Variants in SHLD1 observed in about 807,000 individuals in gnomAD.
SHLD1 encodes the protein RINN1-REV7-interacting novel NHEJ regulator 3.
In SHLD1, 3 loss-of-function variants were observed where a neutral mutation model predicts 5.5. That is an observed-to-expected ratio of 0.54 (90% CI 0.25 to 1.40). The LOEUF is 1.40. Ranked by LOEUF, SHLD1 falls within the 40% of genes most tolerant of loss-of-function variation. SHLD1 has a pLI of 0.15. For synonymous variants in SHLD1, 92 were observed against 94.3 expected, an observed-to-expected ratio of 0.98 and a Z score of 0.14; for missense variants, 210 against 244.4, an observed-to-expected ratio of 0.86 and a Z score of 0.94.
intron 2 of SHLD1, chr20:5,773,244 G>C: frequency 1.4e-6 from 1 of 697,080 alleles, no homozygotes; most frequent in South Asian, 1.6e-5. Context: ...ACAAGGAGCT[G>C]TTTCCTGGAT....
intron 2 of SHLD1, among the ~76,000 whole-genome samples, chr20:5,824,158 C>T (rs1299399196): frequency 6.6e-6 from 1 of 152,224 alleles, no homozygotes; most frequent in Non-Finnish European, 1.5e-5. Flanking sequence ...CCCAGCCGCA[C>T]TGGCCTTCTT....
At chr20:5,862,959 T>C in intron 2 of SHLD1, 65 bp from the exon 3 acceptor site, 2 of 1,396,242 alleles carry the variant, frequency 1.4e-6, no homozygotes, top group Non-Finnish European at 9.8e-7. Context: ...CATCATCTGC[T>C]CTTGGCTTGC....
chr20:5,750,356 C>T (rs1039704813), upstream of SHLD1: 4 of 152,008 alleles, frequency 2.6e-5, no homozygotes, highest in African/African-American at 4.8e-5. Flanking sequence ...TGACTTCCTT[C>T]GAACCTCACA....
At chr20:5,859,879 G>A (rs1302073896) in intron 2 of SHLD1, among the ~76,000 whole-genome samples, 1 of 152,090 alleles carries the variant, frequency 6.6e-6, no homozygotes, top group Non-Finnish European at 1.5e-5. Context: ...CCTCTTTTGT[G>A]GACACTGGAT....
intron 2 of SHLD1, among the ~76,000 whole-genome samples, chr20:5,854,025 G>A (rs2088048617): frequency 6.9e-6 from 1 of 144,224 alleles, no homozygotes; most frequent in Non-Finnish European, 1.5e-5. Flanking sequence ...TTTTTTTTTA[G>A]ACAGAGTTTT....
intron 1 of SHLD1, among the ~76,000 whole-genome samples, chr20:5,755,802 G>T (rs117885264): frequency 6.6e-6 from 1 of 152,026 alleles, no homozygotes; most frequent in African/African-American, 2.4e-5. Context: ...CAAGTGATCC[G>T]CCCACCTCGG....
At chr20:5,814,107 C>A (rs2087496924) in intron 2 of SHLD1, among the ~76,000 whole-genome samples, 1 of 151,906 alleles carries the variant, frequency 6.6e-6, no homozygotes, top group East Asian at 1.9e-4. Flanking sequence ...CGTGTGCCAC[C>A]ATGCCCGGCT....
intron 1 of SHLD1, among the ~76,000 whole-genome samples, chr20:5,755,069 G>T (rs1983992860): frequency 6.7e-6 from 1 of 148,256 alleles, no homozygotes; most frequent in East Asian, 1.9e-4. Flanking sequence ...AAAAAAAAAA[G>T]AAAAAAGAAG....
intron 2 of SHLD1, among the ~76,000 whole-genome samples, chr20:5,830,168 T>C (rs984187736): frequency 3.3e-5 from 5 of 152,194 alleles, no homozygotes; most frequent in African/African-American, 1.2e-4. Context: ...TGGAGAGACA[T>C]GCACTGAAAT....
intron 2 of SHLD1, among the ~76,000 whole-genome samples, chr20:5,848,318 TCAC>T (rs1360616603): frequency 1.3e-5 from 2 of 152,198 alleles, no homozygotes; most frequent in Non-Finnish European, 2.9e-5. Flanking sequence ...GGCGGGCAGA[TCAC>T]TTGAGGCCAG....
chr20:5,835,104 C>A (rs1385004524), intron 2 of SHLD1, among the ~76,000 whole-genome samples: 1 of 152,096 alleles, frequency 6.6e-6, no homozygotes, highest in African/African-American at 2.4e-5. Context: ...AGCCCCACAA[C>A]CATCCCTGAG....
Position 5,863,341 on chromosome 20 carries a change from GAC to G in SHLD1, c.499_500del (p.Thr167ProfsTer14). 1 of 1,614,228 alleles carries G rather than the reference GAC, an allele frequency of 6.2e-7. No individual in the cohort carries two copies. The highest frequency in any genetic ancestry group is 8.5e-7 in the Non-Finnish European group (1 of 1,180,044). ...CTCCGTCTTACAGAGGCATTCCAGGGACACCCACTTCTACCCACTGGAGGAAG... is the reference window on the plus strand; with the variant it reads ...CTCCGTCTTACAGAGGCATTCCAGGGACCCACTTCTACCCACTGGAGGAAG... ...GCSVLQRHSR[D>X]THFYPLEEGS... is the part of the protein sequence containing the mutation. On this transcript the variant is annotated frameshift_variant, in exon 3 of 3. Transcript: ENST00000303142. LOFTEE classifies it low-confidence loss of function (END_TRUNC).
At position 5,860,585 on chromosome 20, in the gene SHLD1, A is replaced by T. The variant is rs189434388; in HGVS notation, c.179-2439A>T. Among the ~76,000 whole-genome samples the T allele has an allele frequency of 3.0e-3, 457 of 152,268 alleles. 2 individuals are homozygous for T. The highest frequency in any genetic ancestry group is 0.01 in the African/African-American group (423 of 41,548). On this transcript the variant is annotated intron_variant, in intron 2 of 2. Transcript: ENST00000303142. Reference sequence around the variant, plus strand: ...GCTTTACAATGAAAAGATGAAGTTTAAAAAAAGTTTTTTTTTGCATTTGGC... The same window carrying T: ...GCTTTACAATGAAAAGATGAAGTTTTAAAAAAGTTTTTTTTTGCATTTGGC...
At chr20:5,823,428 T>C (rs912702532) in intron 2 of SHLD1, among the ~76,000 whole-genome samples, 9 of 149,348 alleles carry the variant, frequency 6.0e-5, no homozygotes, top group South Asian at 2.1e-4. Context: ...TGGTCTAGCA[T>C]AGACTTGTTT....
At chr20:5,753,397 C>T (rs1983876657) in intron 1 of SHLD1, among the ~76,000 whole-genome samples, 1 of 152,114 alleles carries the variant, frequency 6.6e-6, no homozygotes, top group South Asian at 2.1e-4. Flanking sequence ...CCACCTCGGC[C>T]TTCCAAAGTG....
At chr20:5,755,357 C>A (rs1256943230) in intron 1 of SHLD1, among the ~76,000 whole-genome samples, 1 of 152,030 alleles carries the variant, frequency 6.6e-6, no homozygotes, top group Non-Finnish European at 1.5e-5. Context: ...GAGTGTGAAC[C>A]CTATTGTGAA....
At chr20:5,810,482 A>G (rs1747672012) in intron 2 of SHLD1, among the ~76,000 whole-genome samples, 1 of 152,080 alleles carries the variant, frequency 6.6e-6, no homozygotes, top group South Asian at 2.1e-4. Context: ...GAGTCTTTCT[A>G]AGTCTTAAAA....
intron 1 of SHLD1, among the ~76,000 whole-genome samples, chr20:5,770,060 A>T (rs181896939): frequency 6.6e-6 from 1 of 151,472 alleles, no homozygotes; most frequent in African/African-American, 2.4e-5. Context: ...AAGAGAGGTG[A>T]ATGGCGCAGG....
intron 2 of SHLD1, among the ~76,000 whole-genome samples, chr20:5,778,343 G>C (rs1195046616): frequency 6.8e-6 from 1 of 148,024 alleles, no homozygotes; most frequent in Non-Finnish European, 1.5e-5. Context: ...TAGCCAGGAT[G>C]GTCTCGATCT....
Sources: gnomAD v4.1 joint callset for allele counts (sites outside exome capture counted in the v4.1 genomes callset) on GRCh38, gnomAD v4.1.1 for gene constraint, MANE v1.5 for transcripts, NCBI Gene and HGNC (gene_info 2026-07-23, HGNC 2026-07-21) for gene names.